Variants in PRKCE observed in about 807,000 individuals in gnomAD.
The protein encoded by PRKCE is protein kinase C epsilon.
Under a neutral mutation model 85.4 loss-of-function variants are expected in PRKCE, and 16 were observed. That is an observed-to-expected ratio of 0.19 (90% CI 0.13 to 0.28). The LOEUF is 0.28. PRKCE is among the 10% of genes least tolerant of loss of function. PRKCE has a pLI of 1.00. For missense variants in PRKCE, 573 were observed against 975.2 expected (o/e 0.59, Z 5.49); for synonymous variants, 388 against 371.5 (o/e 1.04, Z -0.51).
chr2:45,785,887 A>G (rs1036761299), intron 1 of PRKCE, among the ~76,000 whole-genome samples: 4 of 152,196 alleles, frequency 2.6e-5, no homozygotes, highest in African/African-American at 7.2e-5. Flanking sequence ...AGCACCGGGC[A>G]GACTGAGCTG....
intron 2 of PRKCE, among the ~76,000 whole-genome samples, chr2:45,865,407 C>T (rs1693511146): frequency 6.6e-6 from 1 of 152,124 alleles, no homozygotes; most frequent in Non-Finnish European, 1.5e-5. Context: ...TTTGAATGTG[C>T]ACTCAAGGTT....
At chr2:45,732,722 T>C (rs1378685216) in intron 1 of PRKCE, among the ~76,000 whole-genome samples, 1 of 152,198 alleles carries the variant, frequency 6.6e-6, no homozygotes. Context: ...AACACACTAT[T>C]TGGTATTTTC....
intron 1 of PRKCE, among the ~76,000 whole-genome samples, chr2:45,653,817 G>C (rs763894695): frequency 6.6e-6 from 1 of 152,182 alleles, no homozygotes; most frequent in Admixed American, 6.5e-5. Flanking sequence ...TTGCACTTTG[G>C]AAAGCAGGCA....
chr2:45,862,220 ACACACACAGT>A (rs1472969015), intron 2 of PRKCE, among the ~76,000 whole-genome samples: 1 of 136,120 alleles, frequency 7.3e-6, no homozygotes, highest in African/African-American at 2.6e-5. Flanking sequence ...ACACACACAC[ACACACACAGT>A]ATTTCAAATC....
intron 1 of PRKCE, among the ~76,000 whole-genome samples, chr2:45,756,313 C>A (rs1320271227): frequency 1.3e-5 from 2 of 152,320 alleles, no homozygotes; most frequent in Non-Finnish European, 2.9e-5. Context: ...ATCCTGCTCC[C>A]AGGCTCTAGG....
At chr2:46,170,325 C>T (rs1050012123) in intron 14 of PRKCE, among the ~76,000 whole-genome samples, 1 of 152,172 alleles carries the variant, frequency 6.6e-6, no homozygotes, top group Middle Eastern at 3.2e-3. Context: ...TTCTTTCACT[C>T]AGCATCATGT....
intron 2 of PRKCE, among the ~76,000 whole-genome samples, chr2:45,922,346 T>C (rs1698310523): frequency 6.6e-6 from 1 of 152,192 alleles, no homozygotes; most frequent in South Asian, 2.1e-4. Context: ...CTCTTTATAC[T>C]GGCTGAGCTG....
intron 1 of PRKCE, among the ~76,000 whole-genome samples, chr2:45,703,156 G>T (rs1405811104): frequency 1.3e-5 from 2 of 150,294 alleles, no homozygotes; most frequent in Non-Finnish European, 2.9e-5. Flanking sequence ...GATGGCTGTT[G>T]TTATGTCACT....
chr2:45,989,522 C>G (rs1703625332), intron 6 of PRKCE, among the ~76,000 whole-genome samples: 1 of 152,144 alleles, frequency 6.6e-6, no homozygotes, highest in Non-Finnish European at 1.5e-5. Flanking sequence ...GCCCTCTTCC[C>G]TTCTGAGGAC....
rs2103938340 is a variant in PRKCE, at chr2:45,921,152, A to C, written c.413-55277A>C. Among the ~76,000 whole-genome samples the C allele has an allele frequency of 1.3e-5, 2 of 152,374 alleles. 1 individual carries two copies. The highest frequency in any genetic ancestry group is 2.9e-5 in the Non-Finnish European group (2 of 68,040). On this transcript the variant is annotated intron_variant, in intron 2 of 14. Coordinates refer to ENST00000306156, the MANE Select transcript of PRKCE (RefSeq NM_005400.3). ...ACTGGTCTTCAATGAACTGAAGGAG[A>C]CTGAAGAATAAGGGCCACATAAAGG...
At chr2:45,982,170 A>G (rs1170453570) in intron 5 of PRKCE, among the ~76,000 whole-genome samples, 1 of 152,220 alleles carries the variant, frequency 6.6e-6, no homozygotes, top group Non-Finnish European at 1.5e-5. Flanking sequence ...TTGTGCTTCC[A>G]GAGGCCAGTC....
intron 2 of PRKCE, among the ~76,000 whole-genome samples, chr2:45,871,039 C>G (rs575358749): frequency 9.2e-5 from 14 of 152,182 alleles, no homozygotes; most frequent in Non-Finnish European, 2.1e-4. Flanking sequence ...GTGGAAGAGA[C>G]CTCTCAAAGT....
intron 11 of PRKCE, among the ~76,000 whole-genome samples, chr2:46,105,695 G>C (rs1671651473): frequency 6.6e-6 from 1 of 152,148 alleles, no homozygotes; most frequent in South Asian, 2.1e-4. Context: ...TACACAATTT[G>C]CTGGAGAGAG....
chr2:45,834,481 G>C (rs1288938803), intron 1 of PRKCE, among the ~76,000 whole-genome samples: 8 of 152,166 alleles, frequency 5.3e-5, no homozygotes, highest in African/African-American at 1.9e-4. Context: ...CCTGATTTCT[G>C]GTTTGCTCCT....
intron 2 of PRKCE, among the ~76,000 whole-genome samples, chr2:45,941,465 C>G (rs1359557481): frequency 2.6e-5 from 4 of 152,162 alleles, no homozygotes; most frequent in Non-Finnish European, 5.9e-5. Flanking sequence ...TCATACAGAC[C>G]TACATCAAAC....
intron 1 of PRKCE, among the ~76,000 whole-genome samples, chr2:45,767,577 A>G (rs1685009330): frequency 6.6e-6 from 1 of 152,234 alleles, no homozygotes; most frequent in Admixed American, 6.5e-5. Context: ...ACCCAGAAGA[A>G]TTTTGTAATC....
At chr2:46,018,432 T>C (rs1706353755) in intron 10 of PRKCE, among the ~76,000 whole-genome samples, 1 of 152,050 alleles carries the variant, frequency 6.6e-6, no homozygotes, top group Non-Finnish European at 1.5e-5. Context: ...ATCCCGCCAC[T>C]GCCCTCCAGC....
intron 2 of PRKCE, among the ~76,000 whole-genome samples, chr2:45,850,774 G>A (rs895499262): frequency 1.3e-5 from 2 of 152,130 alleles, no homozygotes; most frequent in African/African-American, 4.8e-5. Context: ...GCCAGTGTAG[G>A]GGTGTACATG....
At chr2:45,743,476 G>C (rs934701772) in intron 1 of PRKCE, among the ~76,000 whole-genome samples, 1 of 152,010 alleles carries the variant, frequency 6.6e-6, no homozygotes, top group Non-Finnish European at 1.5e-5. Flanking sequence ...CCCTCACCGA[G>C]AGAGGCCCAG....
Sources: gnomAD v4.1 joint callset for allele counts (sites outside exome capture counted in the v4.1 genomes callset) on GRCh38, gnomAD v4.1.1 for gene constraint, MANE v1.5 for transcripts, NCBI Gene and HGNC (gene_info 2026-07-23, HGNC 2026-07-21) for gene names.